EPHA6: variants seen among roughly 807,000 people sequenced by gnomAD.
EPHA6 encodes the protein ephrin type-A receptor 6.
A neutral mutation model predicts 112.0 loss-of-function variants in EPHA6; 50 were observed. That is an observed-to-expected ratio of 0.45 (90% CI 0.36 to 0.56). The LOEUF is 0.56. EPHA6 is among the 20% of genes least tolerant of loss of function. The pLI is 0.00. For missense variants in EPHA6, 1,280 were observed against 1,417.4 expected, an observed-to-expected ratio of 0.90 and a Z score of 1.56; for synonymous variants, 529 against 490.7, an observed-to-expected ratio of 1.08 and a Z score of -1.03.
At chr3:97,640,090 G>GC (rs776784748) in intron 14 of EPHA6, among the ~76,000 whole-genome samples, 3 of 152,084 alleles carry the variant, frequency 2.0e-5, no homozygotes, top group African/African-American at 7.2e-5. Context: ...GGTTCATGCT[G>GC]CCTTGCAATT....
At chr3:97,231,751 G>A (rs915567739) in intron 4 of EPHA6, among the ~76,000 whole-genome samples, 2 of 152,160 alleles carry the variant, frequency 1.3e-5, no homozygotes, top group African/African-American at 4.8e-5. Flanking sequence ...GTGTTATTAT[G>A]CAGATAAAGT....
chr3:97,405,608 G>T (rs2087288206), intron 6 of EPHA6, among the ~76,000 whole-genome samples: 1 of 152,038 alleles, frequency 6.6e-6, no homozygotes, highest in African/African-American at 2.4e-5. Flanking sequence ...CTAAAATTCA[G>T]ATGGGAAGAA....
chr3:97,627,266 T>C (rs2093865668), intron 13 of EPHA6, among the ~76,000 whole-genome samples: 1 of 151,860 alleles, frequency 6.6e-6, no homozygotes, highest in Non-Finnish European at 1.5e-5. Flanking sequence ...TTAAAAAATT[T>C]AGTGGGTAGA....
At chr3:97,459,689 C>T (rs575944405) in intron 7 of EPHA6, among the ~76,000 whole-genome samples, 1 of 152,270 alleles carries the variant, frequency 6.6e-6, no homozygotes, top group South Asian at 2.1e-4. Flanking sequence ...TTCATTTTAC[C>T]ACACTAAAAA....
intron 6 of EPHA6, among the ~76,000 whole-genome samples, chr3:97,445,576 T>C (rs183956126): frequency 6.6e-6 from 1 of 152,234 alleles, no homozygotes; most frequent in East Asian, 1.9e-4. Flanking sequence ...TTAAATTATA[T>C]ATTTGAAAGA....
chr3:97,329,284 C>T (rs1444955583), intron 5 of EPHA6, among the ~76,000 whole-genome samples: 3 of 151,370 alleles, frequency 2.0e-5, no homozygotes, highest in African/African-American at 4.9e-5. Flanking sequence ...CATACGTGTG[C>T]ATGTGTCTTT....
At chr3:97,661,673 A>G (rs1392489482) in intron 14 of EPHA6, among the ~76,000 whole-genome samples, 2 of 152,194 alleles carry the variant, frequency 1.3e-5, no homozygotes, top group African/African-American at 4.8e-5. Context: ...CCAGATCATT[A>G]AAAGGAAAAT....
chr3:97,330,736 A>G lies in EPHA6; in HGVS notation c.1607-74414A>G, dbSNP rs187831589. On this transcript the variant is annotated intron_variant, in intron 5 of 17. Transcript: ENST00000389672. ...ATGCACCCAATACAGGAGCACCCAG[A>G]TTCATAAAACAAGTCCTTAGAGACC... 3.9e-5 allele frequency among the ~76,000 whole-genome samples: 6 copies of G among 152,238 alleles called. No individual in the cohort carries two copies. In the East Asian group the frequency reaches 9.7e-4, roughly 25 times the overall value.
At chr3:97,188,027 G>A (rs1352831940) in intron 3 of EPHA6, among the ~76,000 whole-genome samples, 1 of 152,156 alleles carries the variant, frequency 6.6e-6, no homozygotes, top group Non-Finnish European at 1.5e-5. Flanking sequence ...ATTCTCTGCT[G>A]TTGAAACTAT....
chr3:97,756,088 AT>A lies in EPHA6; in HGVS notation c.*7388del, dbSNP rs1207357905. Among the ~76,000 whole-genome samples, 2 of 152,004 alleles carry A rather than the reference AT, an allele frequency of 1.3e-5. No individual in the cohort carries two copies. Among genetic ancestry groups the A allele is most frequent in the Non-Finnish European group, 2.9e-5 (2 of 67,880 alleles). Reference sequence around the variant, plus strand: ...TAGAGAAGCCATAATATAATTCTTCATATTAGTTTATTTTTCAAAGTAGTAA... The same window carrying A: ...TAGAGAAGCCATAATATAATTCTTCAATTAGTTTATTTTTCAAAGTAGTAA... On this transcript the variant is annotated 3_prime_UTR_variant, in exon 18 of 18. Coordinates refer to ENST00000389672, the MANE Select transcript of EPHA6 (RefSeq NM_001080448.3).
rs186841294 is a variant in EPHA6, at chr3:97,531,400, G to A, written c.2201-958G>A. 3.5e-3 allele frequency among the ~76,000 whole-genome samples: 529 copies of A among 151,968 alleles called. 3 individuals are homozygous for A. The highest frequency in any genetic ancestry group is 6.8e-3 in the Middle Eastern group (2 of 294). ...CTGTGTCCATGTCATTCTCTCTACT[G>A]TTTCTGGAACTTTGAATGTTTTTCT... On this transcript the variant is annotated intron_variant, in intron 10 of 17. Coordinates refer to ENST00000389672, the MANE Select transcript of EPHA6 (RefSeq NM_001080448.3).
chr3:97,594,293 A>G (rs887953413), intron 12 of EPHA6, among the ~76,000 whole-genome samples: 4 of 152,242 alleles, frequency 2.6e-5, no homozygotes, highest in Non-Finnish European at 5.9e-5. Context: ...TGATTGTTCT[A>G]TAACACATAC....
At chr3:97,565,162 G>T (rs1357089803) in intron 11 of EPHA6, among the ~76,000 whole-genome samples, 2 of 151,866 alleles carry the variant, frequency 1.3e-5, no homozygotes, top group Non-Finnish European at 2.9e-5. Flanking sequence ...AATATCAAAA[G>T]AATCTGAGCC....
Position 97,085,480 on chromosome 3 carries a change from T to TAAAC in EPHA6, c.1114+97490_1114+97493dup, listed in dbSNP as rs1171456934. Among the ~76,000 whole-genome samples, 7 of 152,272 alleles carry TAAAC rather than the reference T, an allele frequency of 4.6e-5. No homozygotes were observed. In the East Asian group the frequency reaches 1.4e-3, roughly 29 times the overall value. On this transcript the variant is annotated intron_variant, in intron 3 of 17. Transcript: ENST00000389672. ...CCTATGTAATGGCTGGATGTGATCT[T>TAAAC]AAACAAGTTACTTTGGGGGTACTAG...
chr3:97,719,189 A>C (rs1289641973), intron 14 of EPHA6, among the ~76,000 whole-genome samples: 1 of 149,354 alleles, frequency 6.7e-6, no homozygotes, highest in African/African-American at 2.5e-5. Flanking sequence ...TAAGGGCCAA[A>C]GAACACACTT....
intron 3 of EPHA6, among the ~76,000 whole-genome samples, chr3:97,204,962 T>C (rs1205245216): frequency 6.6e-6 from 1 of 152,120 alleles, no homozygotes; most frequent in African/African-American, 2.4e-5. Flanking sequence ...TTTTAGAACT[T>C]ATATTTTCCA....
intron 2 of EPHA6, among the ~76,000 whole-genome samples, chr3:96,983,130 G>T (rs1349782956): frequency 6.6e-6 from 1 of 152,146 alleles, no homozygotes; most frequent in African/African-American, 2.4e-5. Context: ...GTTAGTTGAT[G>T]CAGTTTCTTC....
chr3:96,981,917 T>G (rs1264860713), intron 2 of EPHA6, among the ~76,000 whole-genome samples: 1 of 152,216 alleles, frequency 6.6e-6, no homozygotes, highest in African/African-American at 2.4e-5. Flanking sequence ...TTATCATTTT[T>G]TATTACATCT....
At chr3:97,534,631 T>C (rs909042145) in intron 11 of EPHA6, among the ~76,000 whole-genome samples, 2 of 152,030 alleles carry the variant, frequency 1.3e-5, no homozygotes, top group Non-Finnish European at 2.9e-5. Context: ...GCCCCTAAGA[T>C]ATAAAATTTG....
Sources: gnomAD v4.1 joint callset for allele counts (sites outside exome capture counted in the v4.1 genomes callset) on GRCh38, gnomAD v4.1.1 for gene constraint, MANE v1.5 for transcripts, NCBI Gene and HGNC (gene_info 2026-07-23, HGNC 2026-07-21) for gene names.